SMG7: variants seen among roughly 807,000 people sequenced by gnomAD.
SMG7 encodes SMG7 nonsense mediated mRNA decay factor.
Under a neutral mutation model 148.2 loss-of-function variants are expected in SMG7, and 34 were observed. The ratio of observed to expected loss-of-function variants is 0.23; its 90% CI spans 0.17 to 0.31. The LOEUF is 0.31. Ranked by LOEUF, SMG7 falls within the 10% of genes least tolerant of loss-of-function variation. SMG7 has a pLI of 1.00. For missense variants in SMG7, 1,114 were observed against 1,408.4 expected (o/e 0.79, Z 3.35); for synonymous variants, 492 against 515.1 (o/e 0.96, Z 0.61).
In SMG7 at chr1:183,545,132, C is replaced by T. The variant is rs774161365; in HGVS notation, c.2190C>T (p.Asn730=). The stretch of plus-strand genomic sequence containing the variant: ...GGCCCTCTGGACCAGGGCCAATGAA[C>T]CAGGGACCTCAACAATCACAGCCAC... ...QQRPSGPGPM[N]QGPQQSQPPS... is the part of the protein sequence containing the mutation. Residue 730 remains asparagine, a synonymous_variant, in exon 16 of 23, where the codon AAC becomes AAT. Transcript: ENST00000688051. 21 of 1,613,958 alleles carry T rather than the reference C, an allele frequency of 1.3e-5. No individual in the cohort carries two copies. The Middle Eastern group carries it at 8.2e-4, about 63-fold the overall frequency.
chr1:183,487,886 G>T (rs1424313409), intron 1 of SMG7, among the ~76,000 whole-genome samples: 1 of 152,168 alleles, frequency 6.6e-6, no homozygotes, highest in Non-Finnish European at 1.5e-5. Context: ...TCAGATGCTG[G>T]GCTTGAATAC....
At chr1:183,517,003 C>G (rs1488527649) in intron 3 of SMG7, among the ~76,000 whole-genome samples, 1 of 152,170 alleles carries the variant, frequency 6.6e-6, no homozygotes, top group Non-Finnish European at 1.5e-5. Context: ...TTATTCCCCA[C>G]TGTGGTTTCC....
chr1:183,497,517 A>G (rs1234449341), intron 1 of SMG7, among the ~76,000 whole-genome samples: 1 of 152,196 alleles, frequency 6.6e-6, no homozygotes, highest in Non-Finnish European at 1.5e-5. Context: ...ATAATGTATC[A>G]CAGGTTTTAT....
At chr1:183,499,289 AT>A (rs1184400795) in intron 1 of SMG7, among the ~76,000 whole-genome samples, 2 of 152,218 alleles carry the variant, frequency 1.3e-5, no homozygotes, top group Non-Finnish European at 2.9e-5. Flanking sequence ...CTAGAGTCAT[AT>A]GGTAAGATTA....
At chr1:183,512,466 G>A (rs886144628) in intron 1 of SMG7, among the ~76,000 whole-genome samples, 1 of 152,134 alleles carries the variant, frequency 6.6e-6, no homozygotes, top group Non-Finnish European at 1.5e-5. Context: ...ATGGTGACTA[G>A]TGAATTGAGA....
chr1:183,546,279 A>G lies in SMG7; in HGVS notation c.2684A>G (p.Lys895Arg), dbSNP rs144194662. 1.2e-4 allele frequency: 194 copies of G among 1,613,954 alleles called. No individual in the cohort carries two copies. The highest frequency in any genetic ancestry group is 1.6e-4 in the Non-Finnish European group (184 of 1,179,968). ...CAAGCAAACATAGACCGCAGGGGCA[A>G]ACGGTCACCAGGAGTCTTCCGTCCA... ...AQQANIDRRGKRSPGVFRPEQ... is the reference protein window; with the variant it reads ...AQQANIDRRGRRSPGVFRPEQ... The change falls in exon 17 of 23, where the codon AAA becomes AGA. Residue 895 changes from lysine to arginine, a missense_variant. Lys to Arg is a conservative substitution (Grantham distance 26). Transcript: ENST00000688051.
Position 183,553,041 on chromosome 1 carries a change from G to C in SMG7, c.*1110G>C, listed in dbSNP as rs978133267. On this transcript the variant is annotated 3_prime_UTR_variant, in exon 23 of 23. Transcript: ENST00000688051. ...CAGTCTGAAGAGGAAGGAAGCAGCA[G>C]TATCTGCGTAGCCCACAGAGGGCCC... The C allele has an allele frequency of 2.0e-6, 3 of 1,536,258 alleles. No homozygotes were observed. Among genetic ancestry groups the C allele is most frequent in the Middle Eastern group, 1.7e-4 (1 of 5,990 alleles).
intron 1 of SMG7, among the ~76,000 whole-genome samples, chr1:183,483,625 A>T (rs370808457): frequency 6.6e-6 from 1 of 152,154 alleles, no homozygotes; most frequent in African/African-American, 2.4e-5. Flanking sequence ...CTTGTGTAAT[A>T]TATTATGAGG....
Position 183,553,315 on chromosome 1 carries a change from A to G in SMG7, c.*1384A>G. ...CTGGAAAAGTAATATTTTAAGGGGA[A>G]ATTATGGAAACAATCTAATTGTTCA... is the stretch of plus-strand genomic sequence containing the variant. On this transcript the variant is annotated 3_prime_UTR_variant, in exon 23 of 23. Coordinates refer to ENST00000688051, the MANE Select transcript of SMG7 (RefSeq NM_001375584.1). The G allele has an allele frequency of 3.6e-6, 4 of 1,097,796 alleles. No individual in the cohort carries two copies. Among genetic ancestry groups the G allele is most frequent in the Non-Finnish European group, 5.1e-6 (4 of 787,410 alleles). 68.0% of individuals were successfully genotyped at this position (1,097,796 alleles called of 1,614,324 possible). A position where few individuals can be genotyped will look rare whatever the true frequency, so the allele number is the denominator to read the frequency against.
At chr1:183,494,232 A>G (rs994563894) in intron 1 of SMG7, among the ~76,000 whole-genome samples, 1 of 151,904 alleles carries the variant, frequency 6.6e-6, no homozygotes, top group African/African-American at 2.4e-5. Flanking sequence ...TTTATATTAT[A>G]TAATTTTATG....
chr1:183,544,897 T>G lies in SMG7; in HGVS notation c.1988-33T>G, dbSNP rs377203297. On this transcript the variant is annotated intron_variant, in intron 15 of 22. Coordinates refer to ENST00000688051, the MANE Select transcript of SMG7 (RefSeq NM_001375584.1). ...TTTTTTGCAATTTTTTGCTGTTTCC[T>G]TAAAACTAAAGCTGTGTTCTTCTGT... 1.9e-6 allele frequency: 3 copies of G among 1,582,220 alleles called. No homozygotes were observed. The African/African-American group carries it at 4.1e-5, about 22-fold the overall frequency.
chr1:183,477,697 T>C (rs572682128), intron 1 of SMG7, among the ~76,000 whole-genome samples: 71 of 148,994 alleles, frequency 4.8e-4, no homozygotes, highest in Non-Finnish European at 8.8e-4. Context: ...CATATGTGTA[T>C]ATATGCATAT....
chr1:183,534,637 G>A (rs1224166965), intron 10 of SMG7, among the ~76,000 whole-genome samples: 1 of 152,078 alleles, frequency 6.6e-6, no homozygotes, highest in African/African-American at 2.4e-5. Context: ...GAGGCAGGCG[G>A]ATCACTTGAG....
intron 12 of SMG7, among the ~76,000 whole-genome samples, chr1:183,539,821 C>T (rs1420571794): frequency 6.6e-6 from 1 of 152,210 alleles, no homozygotes; most frequent in East Asian, 1.9e-4. Flanking sequence ...ATACATAGTT[C>T]AGGCTTTTCT....
intron 11 of SMG7, 141 bp from the exon 12 acceptor site, chr1:183,538,239 G>A (rs1205005249): frequency 1.6e-6 from 1 of 624,314 alleles, no homozygotes; most frequent in Non-Finnish European, 2.9e-6. Flanking sequence ...TTTTCATCAG[G>A]ATCATGATAA....
At chr1:183,473,436 T>A (rs1427269768) in intron 1 of SMG7, among the ~76,000 whole-genome samples, 1 of 151,698 alleles carries the variant, frequency 6.6e-6, no homozygotes, top group Non-Finnish European at 1.5e-5. Context: ...GTGCGAGATG[T>A]GTGTCTGGGG....
At chr1:183,475,433 A>G (rs1458566012) in intron 1 of SMG7, among the ~76,000 whole-genome samples, 3 of 152,204 alleles carry the variant, frequency 2.0e-5, no homozygotes, top group Admixed American at 1.3e-4. Flanking sequence ...TCCATAATTT[A>G]TAGTTAAAAT....
Position 183,552,944 on chromosome 1 carries a change from T to C in SMG7, c.*1013T>C. The stretch of plus-strand genomic sequence containing the variant: ...TGCTGTATGCTAGTAATTGTTTTTA[T>C]TCCTAATGTGTGCAACATCACATCT... On this transcript the variant is annotated 3_prime_UTR_variant, in exon 23 of 23. Transcript: ENST00000688051. 6.5e-7 allele frequency: 1 copy of C among 1,532,002 alleles called. No homozygotes were observed. The highest frequency in any genetic ancestry group is 8.7e-7 in the Non-Finnish European group (1 of 1,143,868). The allele number at this position is 1,532,002 out of a possible 1,614,324, so 94.9% of individuals were successfully genotyped here. A position where few individuals can be genotyped will look rare whatever the true frequency, so the allele number is the denominator to read the frequency against.
At chr1:183,528,833 C>T (rs941815828) in intron 6 of SMG7, 59 bp from the exon 7 acceptor site, 1 of 1,416,252 alleles carries the variant, frequency 7.1e-7, no homozygotes, top group Non-Finnish European at 9.7e-7. Flanking sequence ...CATTTGTATT[C>T]TTATAGCAAG....
Sources: gnomAD v4.1 joint callset for allele counts (sites outside exome capture counted in the v4.1 genomes callset) on GRCh38, gnomAD v4.1.1 for gene constraint, MANE v1.5 for transcripts, NCBI Gene and HGNC (gene_info 2026-07-23, HGNC 2026-07-21) for gene names.